ADAMTS17: variants seen among roughly 807,000 people sequenced by gnomAD.
ADAMTS17 encodes the protein A disintegrin and metalloproteinase with thrombospondin motifs 17.
A neutral mutation model predicts 141.5 loss-of-function variants in ADAMTS17; 113 were observed. That is an observed-to-expected ratio of 0.80 (90% confidence interval 0.69 to 0.93). The LOEUF is 0.93. Ranked by LOEUF, ADAMTS17 falls within the 40% of genes least tolerant of loss-of-function variation. The pLI is 0.00. For synonymous variants in ADAMTS17, 768 were observed against 630.6 expected, an observed-to-expected ratio of 1.22 and a Z score of -3.27; for missense variants, 1,659 against 1,517.9, an observed-to-expected ratio of 1.09 and a Z score of -1.54.
At chr15:100,275,266 G>C (rs1322091025) in intron 4 of ADAMTS17, among the ~76,000 whole-genome samples, 1 of 152,182 alleles carries the variant, frequency 6.6e-6, no homozygotes, top group Non-Finnish European at 1.5e-5. Context: ...AAGCAGATGG[G>C]TCCTGGCCAC....
intron 20 of ADAMTS17, chr15:99,976,502 A>C: frequency 1.7e-6 from 1 of 584,312 alleles, no homozygotes; most frequent in Non-Finnish European, 3.1e-6. Context: ...TTCAGGGCAA[A>C]AACAGCAGCT....
At chr15:100,080,813 T>C (rs138186663) in intron 15 of ADAMTS17, among the ~76,000 whole-genome samples, 8 of 152,248 alleles carry the variant, frequency 5.3e-5, no homozygotes, top group African/African-American at 1.2e-4. Context: ...GTTAACTTTA[T>C]GTAATAGTAT....
At chr15:100,045,734 G>C (rs1585935) in intron 18 of ADAMTS17, among the ~76,000 whole-genome samples, 1 of 152,022 alleles carries the variant, frequency 6.6e-6, no homozygotes, top group Non-Finnish European at 1.5e-5. Flanking sequence ...AAAAGATGGC[G>C]GGTAACTATC....
At chr15:100,022,763 G>A (rs184088094) in intron 18 of ADAMTS17, among the ~76,000 whole-genome samples, 15 of 152,234 alleles carry the variant, frequency 9.9e-5, no homozygotes, top group African/African-American at 2.4e-4. Context: ...AATGAATACC[G>A]TAACCACTTT....
chr15:100,082,173 C>A (rs1022848194), intron 15 of ADAMTS17, among the ~76,000 whole-genome samples: 1 of 152,144 alleles, frequency 6.6e-6, no homozygotes, highest in Non-Finnish European at 1.5e-5. Context: ...TCAAGCGATT[C>A]TCCTGCCTCG....
At chr15:100,317,251 A>G (rs1428376397) in intron 3 of ADAMTS17, among the ~76,000 whole-genome samples, 1 of 152,188 alleles carries the variant, frequency 6.6e-6, no homozygotes. Context: ...GCTTCTCCTC[A>G]AAGCTTGTGA....
chr15:100,015,179 T>C (rs1189686266), intron 18 of ADAMTS17, among the ~76,000 whole-genome samples: 1 of 152,246 alleles, frequency 6.6e-6, no homozygotes, highest in Non-Finnish European at 1.5e-5. Flanking sequence ...CGAGAATAGC[T>C]ACCCCTGCTC....
chr15:100,128,216 C>T (rs147463324), intron 12 of ADAMTS17: 1 of 152,308 alleles, frequency 6.6e-6, no homozygotes, highest in Non-Finnish European at 1.5e-5. Flanking sequence ...GCTGGTGGGA[C>T]TGCATCCCTT....
intron 3 of ADAMTS17, among the ~76,000 whole-genome samples, chr15:100,324,457 A>G (rs1403745521): frequency 2.0e-5 from 3 of 152,140 alleles, no homozygotes; most frequent in African/African-American, 7.2e-5. Flanking sequence ...CACCTGCTAC[A>G]TTCATTTATG....
At position 100,111,471 on chromosome 15, in the gene ADAMTS17, CAG is replaced by C. The variant is rs1466343025; in HGVS notation, c.1889-2357_1889-2356del. ...GATTAGCTCGAGGGAGCTTGCTTGA[CAG>C]GGTCACTGAGGTACCCTCTGGAGCC... On this transcript the variant is annotated intron_variant, in intron 13 of 21. Coordinates refer to ENST00000268070, the MANE Select transcript of ADAMTS17 (RefSeq NM_139057.4). Among the ~76,000 whole-genome samples, 8 of 152,344 alleles carry C rather than the reference CAG, an allele frequency of 5.3e-5. No individual in the cohort carries two copies. The East Asian group carries it at 9.6e-4, about 18-fold the overall frequency.
chr15:100,144,653 T>A (rs117192856), intron 10 of ADAMTS17, among the ~76,000 whole-genome samples: 1,740 of 152,216 alleles, frequency 0.011, 27 homozygotes, highest in Non-Finnish European at 0.013. Flanking sequence ...GAATACTAAC[T>A]TCCACTAGAA....
rs568956181 is a variant in ADAMTS17, at chr15:100,308,589, A to G, written c.616+22300T>C. 6.6e-5 allele frequency among the ~76,000 whole-genome samples: 10 copies of G among 152,328 alleles called. No homozygotes were observed. In the South Asian group the frequency reaches 1.9e-3, roughly 28 times the overall value. On this transcript the variant is annotated intron_variant, in intron 3 of 21. Coordinates refer to ENST00000268070, the MANE Select transcript of ADAMTS17 (RefSeq NM_139057.4). ...CATAACTCCAAGTAACTACTCTTTA[A>G]TATGGTTGAAACTGGAATGTCTTCA...
chr15:100,180,570 T>C (rs1398101630), intron 8 of ADAMTS17, among the ~76,000 whole-genome samples: 1 of 152,218 alleles, frequency 6.6e-6, no homozygotes, highest in Non-Finnish European at 1.5e-5. Flanking sequence ...CATTGATATT[T>C]TGATAGGGAT....
intron 3 of ADAMTS17, 122 bp from the exon 4 acceptor site, chr15:100,281,523 C>T (rs2044283660): frequency 3.2e-6 from 4 of 1,241,240 alleles, no homozygotes; most frequent in Non-Finnish European, 4.5e-6. Flanking sequence ...CCTAGAGGGG[C>T]CCAGCACCCA....
Position 100,155,429 on chromosome 15 carries a change from G to A in ADAMTS17, c.1182-109C>T, listed in dbSNP as rs550406758. ...AAATCAAGTCTTAAAAACAAAAACG[G>A]ACGTAACGTGAAAGTGGTTCTCACA... On this transcript the variant is annotated intron_variant, in intron 8 of 21. Coordinates refer to ENST00000268070, the MANE Select transcript of ADAMTS17 (RefSeq NM_139057.4). The A allele has an allele frequency of 1.4e-4, 212 of 1,470,544 alleles. No homozygotes were observed. In the African/African-American group the frequency reaches 2.6e-3, roughly 18 times the overall value. 91.1% of individuals were successfully genotyped at this position (1,470,544 alleles called of 1,614,324 possible).
chr15:100,255,449 G>T (rs887965830), intron 6 of ADAMTS17, among the ~76,000 whole-genome samples: 2 of 152,162 alleles, frequency 1.3e-5, no homozygotes, highest in Non-Finnish European at 2.9e-5. Context: ...CTAGAGACTT[G>T]ATTTTTCCAT....
rs1446062811 is a variant in ADAMTS17 at position 100,341,326 on chromosome 15, C to A, written c.163G>T (p.Ala55Ser). 4 of 1,025,492 alleles carry A rather than the reference C, an allele frequency of 3.9e-6. No individual in the cohort carries two copies. The highest frequency in any genetic ancestry group is 4.7e-6 in the Non-Finnish European group (4 of 858,474). The allele number at this position is 1,025,492 out of a possible 1,614,324, so 63.5% of individuals were successfully genotyped here. ...PDDVHLPPLPAAPGPRRRRRP... is the reference protein window; with the variant it reads ...PDDVHLPPLPSAPGPRRRRRP... ...CGCCGCCGTCGGGGCCCGGGGGCTGCGGGCAGCGGCGGCAGGTGCACGTCG... is the reference window on the plus strand; with the variant it reads ...CGCCGCCGTCGGGGCCCGGGGGCTGAGGGCAGCGGCGGCAGGTGCACGTCG... Residue 55 changes from alanine (A) to serine (S), a missense_variant, in exon 2 of 22, where the codon GCA becomes TCA. Ala to Ser is a moderately conservative substitution (Grantham distance 99). Coordinates refer to ENST00000268070, the MANE Select transcript of ADAMTS17 (RefSeq NM_139057.4).
rs79398357 is a variant in ADAMTS17, at chr15:100,335,352, G to A, written c.451-4298C>T. 4.2e-4 allele frequency among the ~76,000 whole-genome samples: 64 copies of A among 152,162 alleles called. 1 individual carries two copies. In the East Asian group the frequency reaches 0.012, roughly 28 times the overall value. On this transcript the variant is annotated intron_variant, in intron 2 of 21. Coordinates refer to ENST00000268070, the MANE Select transcript of ADAMTS17 (RefSeq NM_139057.4). ...CCACCACCCCACAAATCCACTCATG[G>A]GTCCCTTATCTCAGGACAATGGGGC...
intron 15 of ADAMTS17, among the ~76,000 whole-genome samples, chr15:100,069,787 A>G (rs1249620998): frequency 3.3e-5 from 5 of 150,474 alleles, no homozygotes; most frequent in Non-Finnish European, 7.4e-5. Context: ...CACTGCAAAA[A>G]CAAGCCAAAT....
Sources: allele counts gnomAD v4.1 joint callset (sites outside exome capture counted in the v4.1 genomes callset), GRCh38; gene constraint gnomAD v4.1.1; transcripts MANE v1.5; gene names NCBI Gene and HGNC (gene_info 2026-07-23, HGNC 2026-07-21).